The following HENMT1 variants were observed in gnomAD, a reference collection of about 807,000 sequenced individuals.
HENMT1 encodes the protein HEN methyltransferase 1, also known as small RNA 2'-O-methyltransferase.
In HENMT1, 27 loss-of-function variants were observed where a neutral mutation model predicts 31.1. That is an observed-to-expected ratio of 0.87 (90% CI 0.64 to 1.20). The LOEUF (loss-of-function observed/expected upper bound fraction) is 1.20, where lower values mean the gene tolerates loss of function less well. HENMT1 is among the 50% of genes most tolerant of loss of function. The pLI is 0.00. For missense variants in HENMT1, 438 were observed against 469.6 expected, an observed-to-expected ratio of 0.93 and a Z score of 0.62; for synonymous variants, 167 against 172.2, an observed-to-expected ratio of 0.97 and a Z score of 0.24.
chr1:108,659,763 C>G, intron 2 of HENMT1, 101 bp downstream of exon 2: 1 of 718,722 alleles, frequency 1.4e-6, no homozygotes, highest in Non-Finnish European at 2.4e-6. Context: ...CCGGGAAATG[C>G]TAGGACCTAA....
rs748353905 is a variant in HENMT1 at position 108,648,727 on chromosome 1, C to G, written c.1021G>C (p.Val341Leu). The G allele has an allele frequency of 1.9e-6, 3 of 1,614,052 alleles. No homozygotes were observed. The highest frequency in any genetic ancestry group is 2.7e-5 in the African/African-American group (2 of 74,920). ...TPFCVGDKFF[V>L]PLQRLLAYPK... ...TACGCAAGGAGTCTCTGCAGAGGTA[C>G]GAAAAATTTATCTCCAACACAGAAG... The change falls in exon 8 of 8, where the codon GTA becomes CTA. Residue 341 changes from valine (V) to leucine (L), a missense_variant. Physicochemically the swap from Val to Leu is conservative, Grantham distance 32. Transcript: ENST00000651461.
intron 2 of HENMT1, among the ~76,000 whole-genome samples, chr1:108,658,099 A>G (rs1004515561): frequency 7.8e-6 from 1 of 128,882 alleles, no homozygotes; most frequent in African/African-American, 2.7e-5. Context: ...ACACACATAT[A>G]TACACACACA....
chr1:108,658,025 TTA>T (rs1658304944), intron 2 of HENMT1, among the ~76,000 whole-genome samples: 1 of 113,578 alleles, frequency 8.8e-6, no homozygotes, highest in East Asian at 2.5e-4. Context: ...GTACACACAC[TTA>T]CACACACACA....
intron 7 of HENMT1, 65 bp downstream of exon 7, chr1:108,650,146 C>T (rs546985397): frequency 1.4e-6 from 2 of 1,445,990 alleles, no homozygotes; most frequent in Non-Finnish European, 1.9e-6. Flanking sequence ...ATTCTTACTC[C>T]CCAAAAAAGT....
chr1:108,653,222 G>T (rs1345522732), intron 5 of HENMT1, among the ~76,000 whole-genome samples: 1 of 151,832 alleles, frequency 6.6e-6, no homozygotes, highest in Non-Finnish European at 1.5e-5. Context: ...CACCATGTTG[G>T]CCAGGCTGCT....
intron 3 of HENMT1, 99 bp from the exon 4 acceptor site, chr1:108,655,797 TAATAA>T (rs1345964019): frequency 1.8e-6 from 1 of 558,162 alleles, no homozygotes. Flanking sequence ...TATATATCAG[TAATAA>T]AATAATGAAA....
intron 2 of HENMT1, among the ~76,000 whole-genome samples, chr1:108,659,222 C>T (rs1395797954): frequency 4.6e-5 from 7 of 152,076 alleles, no homozygotes; most frequent in Non-Finnish European, 1.5e-5. Context: ...TCCAAACATA[C>T]TTTTTTCCAA....
chr1:108,650,605 A>G (rs1282521561), intron 6 of HENMT1, among the ~76,000 whole-genome samples: 1 of 152,208 alleles, frequency 6.6e-6, no homozygotes. Flanking sequence ...AATATGGAAG[A>G]CGAAAGGAAA....
chr1:108,660,288 G>GT (rs1432701477), intron 1 of HENMT1, among the ~76,000 whole-genome samples: 7 of 152,064 alleles, frequency 4.6e-5, no homozygotes, highest in African/African-American at 7.2e-5. Context: ...CTCAGAAAGC[G>GT]TAACTTTTCA....
chr1:108,648,968 G>C lies in HENMT1; in HGVS notation c.780C>G (p.Ser260Arg). Residue 260 changes from serine to arginine, a missense_variant, in exon 8 of 8, where the codon AGC (serine) becomes AGG (arginine). Ser to Arg is a moderately radical substitution (Grantham distance 110). Coordinates refer to ENST00000651461, the MANE Select transcript of HENMT1 (RefSeq NM_001102592.2). ...GTTTAAAGAACCTTTCCTGCTGTAA[G>C]CTTGGGTATGAGGTGGTAAAAACCT... Reference protein sequence around the residue: ...YKAVFTTSYPSLQQERFFKLV... With the variant: ...YKAVFTTSYPRLQQERFFKLV... 1 of 1,606,862 alleles carries C rather than the reference G, an allele frequency of 6.2e-7. No homozygotes were observed. Among genetic ancestry groups the C allele is most frequent in the South Asian group, 1.1e-5 (1 of 90,510 alleles).
At chr1:108,658,235 C>G (rs1271508834) in intron 2 of HENMT1, among the ~76,000 whole-genome samples, 1 of 151,940 alleles carries the variant, frequency 6.6e-6, no homozygotes, top group East Asian at 1.9e-4. Flanking sequence ...TCAATTCAAG[C>G]AATTCTCCTG....
chr1:108,658,209 G>C (rs1658325964), intron 2 of HENMT1, among the ~76,000 whole-genome samples: 1 of 151,344 alleles, frequency 6.6e-6, no homozygotes, highest in Admixed American at 6.6e-5. Flanking sequence ...TCAGCTCACT[G>C]CAACCTCCGC....
intron 1 of HENMT1, among the ~76,000 whole-genome samples, chr1:108,660,440 A>G (rs1448412238): frequency 2.0e-5 from 3 of 152,174 alleles, no homozygotes; most frequent in Non-Finnish European, 4.4e-5. Flanking sequence ...TTTTTCAAAA[A>G]TTTTTCCACA....
In HENMT1 at chr1:108,649,477, A is replaced by G. The variant is rs540594626; in HGVS notation, c.757-486T>C. Reference sequence around the variant, plus strand: ...AAAACAAAACAAAAAAAAGCTGAGCATGGTGGTGCACGCCTGTCGTCCTAG... The same window carrying G: ...AAAACAAAACAAAAAAAAGCTGAGCGTGGTGGTGCACGCCTGTCGTCCTAG... On this transcript the variant is annotated intron_variant, in intron 7 of 7. Coordinates refer to ENST00000651461, the MANE Select transcript of HENMT1 (RefSeq NM_001102592.2). 2,450 of 435,160 alleles carry G rather than the reference A, an allele frequency of 5.6e-3. 34 individuals carry two copies. The highest frequency in any genetic ancestry group is 0.019 in the South Asian group (1,130 of 60,828). 27.0% of individuals were successfully genotyped at this position (435,160 alleles called of 1,614,324 possible).
intron 4 of HENMT1, 34 bp downstream of exon 4, chr1:108,655,552 T>A (rs1658205403): frequency 8.1e-7 from 1 of 1,231,366 alleles, no homozygotes; most frequent in Admixed American, 2.0e-5. Context: ...TAGTTTTAGA[T>A]TAACGCATAA....
At chr1:108,654,913 C>G in intron 4 of HENMT1, 63 bp from the exon 5 acceptor site, 1 of 1,496,252 alleles carries the variant, frequency 6.7e-7, no homozygotes, top group Non-Finnish European at 9.3e-7. Flanking sequence ...TCACCAGCTA[C>G]AGAACTCAGA....
chr1:108,654,229 T>C (rs1465557939), intron 5 of HENMT1, among the ~76,000 whole-genome samples: 1 of 152,226 alleles, frequency 6.6e-6, no homozygotes, highest in Non-Finnish European at 1.5e-5. Flanking sequence ...CTCTATTCTG[T>C]TCCATTGGTC....
Position 108,655,663 on chromosome 1 carries a change from T to C in HENMT1, c.186A>G (p.Leu62=), listed in dbSNP as rs747677999. Residue 62 remains leucine (L), a synonymous_variant, in exon 4 of 8, where the codon TTA becomes TTG. Coordinates refer to ENST00000651461, the MANE Select transcript of HENMT1 (RefSeq NM_001102592.2). ...ADLGCGDTSL[L]RLLKVNPCIE... ...TGCATGGATTGACTTTTAGCAGCCTTAAGAGTGAAGTATCACCACATCCCA... is the reference window on the plus strand; with the variant it reads ...TGCATGGATTGACTTTTAGCAGCCTCAAGAGTGAAGTATCACCACATCCCA... 5 of 1,612,466 alleles carry C rather than the reference T, an allele frequency of 3.1e-6. No individual in the cohort carries two copies. Among genetic ancestry groups the C allele is most frequent in the Non-Finnish European group, 4.2e-6 (5 of 1,179,320 alleles).
rs766718727 is a variant in HENMT1 at position 108,648,559 on chromosome 1, A to T, written c.*7T>A. The T allele has an allele frequency of 1.0e-5, 16 of 1,606,290 alleles. No homozygotes were observed. Among genetic ancestry groups the T allele is most frequent in the Non-Finnish European group, 2.6e-6 (3 of 1,174,094 alleles). The stretch of plus-strand genomic sequence containing the variant: ...GAGACCCTGAAATTTCAGGAAATAA[A>T]CATGGTTCAAAACTCAAACTGTTCA... On this transcript the variant is annotated 3_prime_UTR_variant, in exon 8 of 8. Transcript: ENST00000651461.
Sources: gnomAD v4.1 joint callset for allele counts (sites outside exome capture counted in the v4.1 genomes callset) on GRCh38, gnomAD v4.1.1 for gene constraint, MANE v1.5 for transcripts, NCBI Gene and HGNC (gene_info 2026-07-23, HGNC 2026-07-21) for gene names.